Variants in WDR7 observed in about 807,000 individuals in gnomAD.
The protein encoded by WDR7 is WD repeat domain 7.
WDR7 carries 46 observed loss-of-function variants against 169.4 expected under a neutral mutation model. The ratio of observed to expected loss-of-function variants is 0.27; its 90% CI spans 0.21 to 0.35. The LOEUF is 0.35. Among genes scored for constraint, WDR7 ranks in the 10% least tolerant of loss-of-function variants. WDR7 has a pLI of 1.00. For missense variants in WDR7, 1,534 were observed against 1,859.3 expected, an observed-to-expected ratio of 0.83 and a Z score of 3.22; for synonymous variants, 612 against 666.8, an observed-to-expected ratio of 0.92 and a Z score of 1.27.
chr18:56,654,778 G>A (rs975835090), intron 1 of WDR7, among the ~76,000 whole-genome samples: 22 of 152,154 alleles, frequency 1.4e-4, no homozygotes, highest in African/African-American at 5.1e-4. Context: ...GCTATGTTAT[G>A]TACTGCTAAT....
chr18:57,022,295 C>A (rs2048304673), intron 27 of WDR7, among the ~76,000 whole-genome samples: 3 of 152,212 alleles, frequency 2.0e-5, no homozygotes, highest in Admixed American at 2.0e-4. Context: ...TACCTTCATA[C>A]AAATTTTCTT....
At chr18:56,779,360 A>G in intron 17 of WDR7, 71 bp from the exon 18 acceptor site, 1 of 1,215,350 alleles carries the variant, frequency 8.2e-7, no homozygotes, top group Non-Finnish European at 1.1e-6. Context: ...TGGTATACTT[A>G]CATAAAGAAC....
At chr18:56,984,646 T>C (rs1328181552) in intron 26 of WDR7, among the ~76,000 whole-genome samples, 2 of 152,342 alleles carry the variant, frequency 1.3e-5, no homozygotes, top group East Asian at 3.9e-4. Flanking sequence ...TTTTTATATT[T>C]AAGTCATTAT....
rs528304538 is a variant in WDR7 at position 57,024,993 on chromosome 18, G to A, written c.4270-2011G>A. Among the ~76,000 whole-genome samples the A allele has an allele frequency of 2.6e-5, 4 of 152,262 alleles. No homozygotes were observed. The South Asian group carries it at 8.3e-4, about 32-fold the overall frequency. On this transcript the variant is annotated intron_variant, in intron 27 of 27. Coordinates refer to ENST00000254442, the MANE Select transcript of WDR7 (RefSeq NM_015285.3). ...TGACCAAAGGCATTTATCAAAGTAG[G>A]GATGGCTCAGGTTATAAGAGGAACC...
intron 22 of WDR7, among the ~76,000 whole-genome samples, chr18:56,927,450 A>C (rs1486509749): frequency 6.6e-6 from 1 of 152,108 alleles, no homozygotes; most frequent in Non-Finnish European, 1.5e-5. Flanking sequence ...TCTCTAAAAA[A>C]TAAATAAATA....
chr18:56,989,984 GTCTT>G (rs1432016564), intron 26 of WDR7, among the ~76,000 whole-genome samples: 1 of 152,136 alleles, frequency 6.6e-6, no homozygotes, highest in Non-Finnish European at 1.5e-5. Flanking sequence ...TAAAACTAAT[GTCTT>G]TCTTTAAGTG....
At chr18:56,758,997 C>A (rs745722055) in intron 16 of WDR7, 44 bp downstream of exon 16, 1 of 1,511,544 alleles carries the variant, frequency 6.6e-7, no homozygotes, top group South Asian at 1.2e-5. Flanking sequence ...CATTTCAGCT[C>A]TAGAAACTGA....
chr18:56,817,401 C>G (rs7231294), intron 20 of WDR7, among the ~76,000 whole-genome samples: 5,752 of 151,698 alleles, frequency 0.038, 372 homozygotes, highest in African/African-American at 0.13. Flanking sequence ...TTTCCTCCTT[C>G]CCTCCCACCC....
chr18:56,840,680 G>A (rs1363421179), intron 20 of WDR7, among the ~76,000 whole-genome samples: 1 of 151,514 alleles, frequency 6.6e-6, no homozygotes, highest in East Asian at 1.9e-4. Flanking sequence ...AGATTAGCTG[G>A]TAGTGGCGTG....
At chr18:56,688,948 A>G (rs545304084) in intron 7 of WDR7, among the ~76,000 whole-genome samples, 3 of 152,344 alleles carry the variant, frequency 2.0e-5, no homozygotes, top group South Asian at 2.1e-4. Context: ...TACAATATAC[A>G]TAGATGATGA....
chr18:56,820,339 C>A (rs1420749303), intron 20 of WDR7, among the ~76,000 whole-genome samples: 130 of 42,462 alleles, frequency 3.1e-3, no homozygotes, highest in African/African-American at 6.1e-3. Context: ...CTGACATTGT[C>A]AAAAAAAAAA....
intron 12 of WDR7, among the ~76,000 whole-genome samples, chr18:56,696,924 C>G (rs368267589): frequency 1.3e-5 from 2 of 152,266 alleles, no homozygotes; most frequent in East Asian, 3.9e-4. Context: ...GAGACAAAGC[C>G]TAACAGTCAC....
chr18:56,962,605 A>T, intron 26 of WDR7, 76 bp downstream of exon 26: 9 of 1,331,108 alleles, frequency 6.8e-6, no homozygotes, highest in African/African-American at 1.4e-5. Flanking sequence ...GCACTTCACC[A>T]GTTGACGTGC....
At chr18:56,867,351 A>G (rs981724650) in intron 20 of WDR7, among the ~76,000 whole-genome samples, 7 of 152,136 alleles carry the variant, frequency 4.6e-5, no homozygotes, top group African/African-American at 1.7e-4. Context: ...ATTTTTTTAA[A>G]AATCTCAGAG....
At chr18:56,781,504 T>A in intron 18 of WDR7, 29 bp from the exon 19 acceptor site, 1 of 1,552,454 alleles carries the variant, frequency 6.4e-7, no homozygotes, top group Non-Finnish European at 8.7e-7. Flanking sequence ...ATCTGCTTTC[T>A]GCTTTTACAT....
In WDR7 at chr18:56,816,851, T is replaced by C. The variant is rs141767680; in HGVS notation, c.3304+707T>C. Reference sequence around the variant, plus strand: ...AAGAATAATAAGCTTTTGTTTTGGGTGTGGGTGGTTAAAATTTAAAATTTG... The same window carrying C: ...AAGAATAATAAGCTTTTGTTTTGGGCGTGGGTGGTTAAAATTTAAAATTTG... On this transcript the variant is annotated intron_variant, in intron 20 of 27. Transcript: ENST00000254442. Among the ~76,000 whole-genome samples, 64 of 152,216 alleles carry C rather than the reference T, an allele frequency of 4.2e-4. No individual in the cohort carries two copies. The East Asian group carries it at 0.011, about 27-fold the overall frequency.
chr18:56,686,307 G>A (rs2025442904), intron 6 of WDR7, among the ~76,000 whole-genome samples: 1 of 151,246 alleles, frequency 6.6e-6, no homozygotes, highest in Admixed American at 6.6e-5. Context: ...AAGAGGTGAG[G>A]TTCTCCTCAA....
intron 20 of WDR7, among the ~76,000 whole-genome samples, chr18:56,819,211 T>C (rs1333261801): frequency 6.6e-6 from 1 of 152,174 alleles, no homozygotes; most frequent in East Asian, 1.9e-4. Context: ...TAAAGACACA[T>C]GGATTAAGCT....
At position 56,971,069 on chromosome 18, in the gene WDR7, C is replaced by G. The variant is rs573876756; in HGVS notation, c.4164+8540C>G. On this transcript the variant is annotated intron_variant, in intron 26 of 27. Transcript: ENST00000254442. ...GGCGGATCACCTGAGGTCAGGAGTT[C>G]GAGACCAGCCTGGCCAATGTGGTGA... 1.1e-4 allele frequency among the ~76,000 whole-genome samples: 16 copies of G among 152,130 alleles called. No individual in the cohort carries two copies. In the South Asian group the frequency reaches 3.3e-3, roughly 32 times the overall value.
Sources: gnomAD v4.1 joint callset for allele counts (sites outside exome capture counted in the v4.1 genomes callset) on GRCh38, gnomAD v4.1.1 for gene constraint, MANE v1.5 for transcripts, NCBI Gene and HGNC (gene_info 2026-07-23, HGNC 2026-07-21) for gene names.